Variants in EPS8L2 observed in about 807,000 individuals in gnomAD.
EPS8L2 encodes the protein EPS8 signaling adaptor L2.
Under a neutral mutation model 99.4 loss-of-function variants are expected in EPS8L2, and 81 were observed. The ratio of observed to expected loss-of-function variants is 0.82; its 90% CI spans 0.68 to 0.98. EPS8L2 has a LOEUF of 0.98. Ranked by LOEUF, EPS8L2 falls within the 50% of genes least tolerant of loss-of-function variation. EPS8L2 has a pLI of 0.00. For missense variants in EPS8L2, 1,155 were observed against 968.8 expected, an observed-to-expected ratio of 1.19 and a Z score of -2.55; for synonymous variants, 509 against 407.3, an observed-to-expected ratio of 1.25 and a Z score of -3.01.
rs184546589 is a variant in EPS8L2, at chr11:709,575, G to A, written c.67G>A (p.Gly23Ser). ...ATNGSLGRSD[G>S]VAKMSPKDLF... ...CAGTGGCAGCCTGGGCCGGTCCGAC[G>A]GTGTGGCCAAGATGAGCCCCAAGGA... Residue 23 changes from glycine (G) to serine (S), a missense_variant, in exon 3 of 21, where the codon GGT (glycine) becomes AGT (serine). By Grantham distance (56) the Gly-to-Ser change is moderately conservative. Transcript: ENST00000318562. The A allele has an allele frequency of 4.5e-5, 73 of 1,612,516 alleles. No individual in the cohort carries two copies. The highest frequency in any genetic ancestry group is 5.8e-5 in the Non-Finnish European group (68 of 1,179,738).
In EPS8L2 at chr11:721,121, G is replaced by T; in HGVS notation, c.615G>T (p.Pro205=). 1 of 1,534,860 alleles carries T rather than the reference G, an allele frequency of 6.5e-7. No individual in the cohort carries two copies. ...CCATCCTGCCTCCTCCCCAGGGCCC[G>T]GCGCCCATCCCCTTCCAGCACCGCG... is the stretch of plus-strand genomic sequence containing the variant. ...RQSILPPPQG[P]APIPFQHRGG... is the part of the protein sequence containing the mutation. The change falls in exon 8 of 21, where the codon CCG becomes CCT. Residue 205 remains proline (P), a synonymous_variant. Coordinates refer to ENST00000318562, the MANE Select transcript of EPS8L2 (RefSeq NM_022772.4).
At chr11:711,222 G>GT (rs1339896622) in intron 4 of EPS8L2, among the ~76,000 whole-genome samples, 2 of 151,860 alleles carry the variant, frequency 1.3e-5, no homozygotes, top group African/African-American at 2.4e-5. Flanking sequence ...CTCAGGAAAT[G>GT]TTTTTTTGGG....
intron 5 of EPS8L2, 95 bp downstream of exon 5, chr11:720,318 AG>A: frequency 7.3e-7 from 1 of 1,367,074 alleles, no homozygotes. Flanking sequence ...TCCTCTCTGC[AG>A]GGCCGGCCAT....
At chr11:707,857 G>A (rs1368599017) in intron 1 of EPS8L2, among the ~76,000 whole-genome samples, 1 of 152,120 alleles carries the variant, frequency 6.6e-6, no homozygotes, top group East Asian at 1.9e-4. Flanking sequence ...GTGTGTGCCT[G>A]GACACACGTG....
Position 726,130 on chromosome 11 carries a change from G to A in EPS8L2, c.1713G>A (p.Pro571=), listed in dbSNP as rs756133511. 5.6e-6 allele frequency: 9 copies of A among 1,608,318 alleles called. No homozygotes were observed. Among genetic ancestry groups the A allele is most frequent in the Middle Eastern group, 1.7e-4 (1 of 5,980 alleles). ...AGAAGTACTGGGGCCCCGCCAGCCC[G>A]ACCCACAAGCTACCCCCAAGCTTCC... The part of the protein sequence containing the change: ...AGQKYWGPAS[P]THKLPPSFPG... The change falls in exon 18 of 21, where the codon CCG becomes CCA. Residue 571 remains proline (P), a synonymous_variant. Transcript: ENST00000318562.
At chr11:720,978 G>GCCGGCCGGGGAGGGGAGGAGC in intron 7 of EPS8L2, 69 bp downstream of exon 7, 2 of 1,097,658 alleles carry the variant, frequency 1.8e-6, no homozygotes, top group Non-Finnish European at 2.5e-6. Context: ...GAGGGGAGGA[G>GCCGGCCGGGGAGGGGAGGAGC]CCGGCAGGGG....
intron 4 of EPS8L2, 25 bp from the exon 5 acceptor site, chr11:720,037 G>A: frequency 6.2e-7 from 1 of 1,600,706 alleles, no homozygotes. Context: ...GCTCTGCCCA[G>A]CAGTGACCAC....
At position 726,881 on chromosome 11, in the gene EPS8L2, C is replaced by G; in HGVS notation, c.2068-20C>G. ...CACGTGGGACCCCCGGCTGAGGATG[C>G]CCCCATTTCTCCTCCCTAGAAGCAG... On this transcript the variant is annotated intron_variant, in intron 20 of 20. Coordinates refer to ENST00000318562, the MANE Select transcript of EPS8L2 (RefSeq NM_022772.4). 6.2e-7 allele frequency: 1 copy of G among 1,607,976 alleles called. No homozygotes were observed. Among genetic ancestry groups the G allele is most frequent in the Non-Finnish European group, 8.5e-7 (1 of 1,176,692 alleles).
At chr11:715,105 G>GCGT (rs1861986978) in intron 4 of EPS8L2, among the ~76,000 whole-genome samples, 1 of 152,026 alleles carries the variant, frequency 6.6e-6, no homozygotes, top group Admixed American at 6.6e-5. Context: ...AGCCAGGTGG[G>GCGT]ATGGCGGGTG....
In EPS8L2 at chr11:726,288, T is replaced by G. The variant is rs1564980253; in HGVS notation, c.1754-16T>G. ...GGGGCAAGGCAGCGGCGGGCCTGAG[T>G]CGCGCGCCCCCTCAGAGCTCATGCA... On this transcript the variant is annotated splice_polypyrimidine_tract_variant and intron_variant, in intron 18 of 20. Coordinates refer to ENST00000318562, the MANE Select transcript of EPS8L2 (RefSeq NM_022772.4). 6.3e-7 allele frequency: 1 copy of G among 1,590,872 alleles called. No homozygotes were observed. The highest frequency in any genetic ancestry group is 8.5e-7 in the Non-Finnish European group (1 of 1,170,070).
intron 14 of EPS8L2, 102 bp downstream of exon 14, chr11:722,907 C>A (rs180689816): frequency 5.7e-6 from 4 of 699,352 alleles, no homozygotes; most frequent in African/African-American, 6.1e-5. Flanking sequence ...AGAGCTCCCC[C>A]CCCAGCCCTG....
At chr11:720,970 GGGGAGGAGCCGGCA>G (rs1862147241) in intron 7 of EPS8L2, 61 bp downstream of exon 7, 6 of 1,295,140 alleles carry the variant, frequency 4.6e-6, no homozygotes, top group Non-Finnish European at 6.3e-6. Context: ...CGGCAGGGGA[GGGGAGGAGCCGGCA>G]GGGGAGGGGA....
At chr11:726,860 T>C (rs1862345176) in intron 20 of EPS8L2, 41 bp from the exon 21 acceptor site, 11 of 1,601,094 alleles carry the variant, frequency 6.9e-6, no homozygotes, top group Non-Finnish European at 9.4e-6. Context: ...CCCAGACACG[T>C]GGGACCCCCG....
At chr11:721,746 AGGGGACAGGGAC>A (rs780663182) in intron 10 of EPS8L2, 55 bp downstream of exon 10, 37 of 1,413,184 alleles carry the variant, frequency 2.6e-5, no homozygotes, top group Middle Eastern at 3.6e-4. Flanking sequence ...CAGCAGGTGC[AGGGGACAGGGAC>A]GGGGACGGGG....
chr11:709,278 A>G (rs1861819719), intron 1 of EPS8L2, 52 bp from the exon 2 acceptor site: 4 of 1,129,628 alleles, frequency 3.5e-6, no homozygotes, highest in African/African-American at 3.1e-5. Flanking sequence ...GAAGGAGGGG[A>G]GGAACCAGCC....
At chr11:720,503 G>A (rs1010990097) in intron 5 of EPS8L2, 94 bp from the exon 6 acceptor site, 31 of 1,531,484 alleles carry the variant, frequency 2.0e-5, no homozygotes, top group Admixed American at 3.9e-5. Context: ...GCGCCAGAGG[G>A]GCCTGTGCTC....
chr11:710,560 C>A (rs1326769888), intron 4 of EPS8L2, 74 bp downstream of exon 4: 2 of 1,313,642 alleles, frequency 1.5e-6, no homozygotes, highest in Non-Finnish European at 2.2e-6. Flanking sequence ...AGGTTCTCGT[C>A]TCCACAAAAA....
At chr11:707,726 GC>G (rs2133493153) in intron 1 of EPS8L2, among the ~76,000 whole-genome samples, 1 of 152,254 alleles carries the variant, frequency 6.6e-6, no homozygotes, top group East Asian at 1.9e-4. Context: ...GGTCCCCGAT[GC>G]CCTGCAGGCA....
chr11:726,243 C>T, intron 18 of EPS8L2, 61 bp from the exon 19 acceptor site: 2 of 1,566,146 alleles, frequency 1.3e-6, no homozygotes, highest in Non-Finnish European at 1.7e-6. Flanking sequence ...GGGGGGGTCC[C>T]TGGGCCGGGG....
Sources: allele counts gnomAD v4.1 joint callset (sites outside exome capture counted in the v4.1 genomes callset), GRCh38; gene constraint gnomAD v4.1.1; transcripts MANE v1.5; gene names NCBI Gene and HGNC (gene_info 2026-07-23, HGNC 2026-07-21).